Variants in SLC24A2 observed in about 807,000 individuals in gnomAD.
SLC24A2 encodes sodium/potassium/calcium exchanger 2.
A neutral mutation model predicts 62.0 loss-of-function variants in SLC24A2; 36 were observed. That is an observed-to-expected ratio of 0.58 (90% CI 0.44 to 0.77). SLC24A2 has a LOEUF of 0.77. SLC24A2 is among the 30% of genes least tolerant of loss of function. SLC24A2 has a pLI of 0.00. For missense variants in SLC24A2, 846 were observed against 817.9 expected (o/e 1.03, Z -0.42); for synonymous variants, 358 against 294.0 (o/e 1.22, Z -2.23).
chr9:19,940,185 C>A, the SLC24A2 span, among the ~76,000 whole-genome samples: 1 of 152,320 alleles, frequency 6.6e-6, no homozygotes, highest in East Asian at 1.9e-4. Context: ...CTGGGACACT[C>A]CCAGCTCCTG....
the SLC24A2 span, among the ~76,000 whole-genome samples, chr9:20,049,812 G>A: frequency 6.6e-6 from 1 of 152,114 alleles, no homozygotes; most frequent in Non-Finnish European, 1.5e-5. Context: ...CAATCACTGG[G>A]TAGAAGCTAG....
the SLC24A2 span, among the ~76,000 whole-genome samples, chr9:20,301,365 C>G: frequency 6.6e-6 from 1 of 151,848 alleles, no homozygotes; most frequent in Non-Finnish European, 1.5e-5. Context: ...TCTTGAAAAC[C>G]TTGGAAAAAA....
At chr9:20,054,490 T>C in the SLC24A2 span, among the ~76,000 whole-genome samples, 1 of 151,920 alleles carries the variant, frequency 6.6e-6, no homozygotes, top group Non-Finnish European at 1.5e-5. Flanking sequence ...CTGCACCTGG[T>C]CATTTAGTGG....
At chr9:19,862,159 C>G in the SLC24A2 span, among the ~76,000 whole-genome samples, 2 of 152,044 alleles carry the variant, frequency 1.3e-5, no homozygotes, top group African/African-American at 4.8e-5. Flanking sequence ...TAATCAAACT[C>G]CCAAAGGTCA....
At chr9:20,288,029 A>C in the SLC24A2 span, among the ~76,000 whole-genome samples, 3 of 74,284 alleles carry the variant, frequency 4.0e-5, no homozygotes, top group Non-Finnish European at 6.4e-5. Flanking sequence ...GGAAGGGAGG[A>C]GTTAGGAAAA....
At position 19,588,210 on chromosome 9, in the gene SLC24A2, C is replaced by A. The variant is rs922743644; in HGVS notation, c.1129+9019G>T. Reference sequence around the variant, plus strand: ...TTTTTTTTTTCTGGATAAGGCCCAGCCTTACAGAGAACATCTATTCAAGTG... The same window carrying A: ...TTTTTTTTTTCTGGATAAGGCCCAGACTTACAGAGAACATCTATTCAAGTG... On this transcript the variant is annotated intron_variant, in intron 5 of 10. Coordinates refer to ENST00000341998, the MANE Select transcript of SLC24A2 (RefSeq NM_020344.4). 6.7e-5 allele frequency among the ~76,000 whole-genome samples: 10 copies of A among 149,754 alleles called. No homozygotes were observed. In the East Asian group the frequency reaches 1.2e-3, roughly 18 times the overall value.
chr9:19,673,310 A>G (rs920173512), intron 2 of SLC24A2, among the ~76,000 whole-genome samples: 1 of 146,168 alleles, frequency 6.8e-6, no homozygotes, highest in African/African-American at 2.7e-5. Flanking sequence ...GTTCTTTTTC[A>G]CTGCTATTGC....
intron 2 of SLC24A2, among the ~76,000 whole-genome samples, chr9:19,698,643 T>C (rs1298776830): frequency 6.6e-6 from 1 of 152,204 alleles, no homozygotes; most frequent in Non-Finnish European, 1.5e-5. Context: ...TGCCATGCAG[T>C]GTGCACTCTG....
intron 2 of SLC24A2, among the ~76,000 whole-genome samples, chr9:19,715,660 G>C (rs552974087): frequency 2.0e-5 from 3 of 152,326 alleles, no homozygotes; most frequent in African/African-American, 7.2e-5. Flanking sequence ...GCTGGCAAAT[G>C]TGACCAAGGC....
chr9:20,026,598 T>C, the SLC24A2 span, among the ~76,000 whole-genome samples: 3 of 152,216 alleles, frequency 2.0e-5, no homozygotes, highest in East Asian at 1.9e-4. Context: ...CAATAAATGA[T>C]GTTGGTAAAA....
chr9:19,944,947 A>G, the SLC24A2 span, among the ~76,000 whole-genome samples: 1 of 152,162 alleles, frequency 6.6e-6, no homozygotes, highest in East Asian at 1.9e-4. Flanking sequence ...TTCACCCTGT[A>G]TGTATCTTAT....
At chr9:20,087,645 T>C in the SLC24A2 span, among the ~76,000 whole-genome samples, 1 of 152,212 alleles carries the variant, frequency 6.6e-6, no homozygotes, top group East Asian at 1.9e-4. Flanking sequence ...GGCCTTTCTT[T>C]TTTCCTACTT....
the SLC24A2 span, among the ~76,000 whole-genome samples, chr9:20,130,256 A>G: frequency 6.6e-6 from 1 of 152,078 alleles, no homozygotes; most frequent in African/African-American, 2.4e-5. Flanking sequence ...TCTACTCTCA[A>G]GAAAGTTAGC....
At position 19,513,435 on chromosome 9, in the gene SLC24A2, G is replaced by A. The variant is rs1485218798; in HGVS notation, c.*2718C>T. The A allele has an allele frequency of 1.3e-5, 2 of 152,102 alleles. No individual in the cohort carries two copies. The highest frequency in any genetic ancestry group is 6.6e-5 in the Admixed American group (1 of 15,250). 9.4% of individuals were successfully genotyped at this position (152,102 alleles called of 1,614,324 possible). Reference sequence around the variant, plus strand: ...TGGAATCACTTGTGTCCCATCCAGTGAGGGAGCAGTGCTGTTGTAGGTCAG... The same window carrying A: ...TGGAATCACTTGTGTCCCATCCAGTAAGGGAGCAGTGCTGTTGTAGGTCAG... On this transcript the variant is annotated 3_prime_UTR_variant, in exon 11 of 11. Transcript: ENST00000341998.
At chr9:19,839,341 T>C in the SLC24A2 span, among the ~76,000 whole-genome samples, 1 of 152,200 alleles carries the variant, frequency 6.6e-6, no homozygotes, top group Admixed American at 6.5e-5. Context: ...GTCCATTTCC[T>C]TGTTGCTATT....
the SLC24A2 span, among the ~76,000 whole-genome samples, chr9:20,091,828 C>A: frequency 6.6e-6 from 1 of 152,086 alleles, no homozygotes; most frequent in Non-Finnish European, 1.5e-5. Flanking sequence ...CCAGCAAAGA[C>A]ATGGAATCAA....
the SLC24A2 span, among the ~76,000 whole-genome samples, chr9:20,172,403 A>T: frequency 6.6e-6 from 1 of 152,082 alleles, no homozygotes; most frequent in Non-Finnish European, 1.5e-5. Context: ...AGACAAATAA[A>T]ACAAAAAGCT....
chr9:19,712,693 C>T (rs1305183312), intron 2 of SLC24A2, among the ~76,000 whole-genome samples: 2 of 151,418 alleles, frequency 1.3e-5, no homozygotes, highest in East Asian at 3.9e-4. Flanking sequence ...AGCAAGTTCC[C>T]ATCTCATGGC....
the SLC24A2 span, among the ~76,000 whole-genome samples, chr9:20,250,636 C>G: frequency 2.0e-5 from 3 of 151,728 alleles, no homozygotes; most frequent in Admixed American, 6.6e-5. Context: ...GTGCTGAACA[C>G]AAGAGCCTAT....
Sources: allele counts gnomAD v4.1 joint callset (sites outside exome capture counted in the v4.1 genomes callset), GRCh38; gene constraint gnomAD v4.1.1; transcripts MANE v1.5; gene names NCBI Gene and HGNC (gene_info 2026-07-23, HGNC 2026-07-21).